NEBL: variants seen among roughly 807,000 people sequenced by gnomAD.
NEBL encodes the protein LIM and SH3 protein 2.
Under a neutral mutation model 140.2 loss-of-function variants are expected in NEBL, and 122 were observed. The ratio of observed to expected loss-of-function variants is 0.87; its 90% CI spans 0.75 to 1.01. The LOEUF (loss-of-function observed/expected upper bound fraction) is 1.01. Among genes scored for constraint, NEBL ranks in the 50% least tolerant of loss-of-function variants. The pLI is 0.00. For missense variants in NEBL, 1,365 were observed against 1,231.3 expected, an observed-to-expected ratio of 1.11 and a Z score of -1.62; for synonymous variants, 436 against 398.9, an observed-to-expected ratio of 1.09 and a Z score of -1.11.
chr10:20,828,466 A>G (rs1840094555), intron 17 of NEBL, 64 bp downstream of exon 17: 1 of 1,083,324 alleles, frequency 9.2e-7, no homozygotes, highest in South Asian at 1.3e-5. Context: ...AATGAGGAAA[A>G]AAGACCATTT....
rs140362065 is a variant in NEBL, at chr10:20,987,096, A to G, written c.250-25317T>C. Among the ~76,000 whole-genome samples the G allele has an allele frequency of 1.3e-3, 201 of 152,094 alleles. 1 individual carries two copies. The highest frequency in any genetic ancestry group is 4.6e-3 in the African/African-American group (191 of 41,466). ...ATTAAATGGGTAAAAATATTAATGTATTTTTCTAAGCTATTATACCATGTT... is the reference window on the plus strand; with the variant it reads ...ATTAAATGGGTAAAAATATTAATGTGTTTTTCTAAGCTATTATACCATGTT... On this transcript the variant is annotated intron_variant, in intron 3 of 6. Coordinates refer to the NEBL transcript ENST00000417816.
chr10:21,057,542 C>CTTTTTTTTTT (rs5783764), intron 2 of NEBL, among the ~76,000 whole-genome samples: 1 of 71,726 alleles, frequency 1.4e-5, no homozygotes, highest in African/African-American at 5.9e-5. Context: ...AATGAAATTC[C>CTTTTTTTTTT]TTTTTTTTTT....
intron 3 of NEBL, chr10:20,961,798 A>G (rs201072548): frequency 1.3e-6 from 2 of 1,581,354 alleles, no homozygotes; most frequent in Admixed American, 3.3e-5. Context: ...AAGGGGGAAA[A>G]GAAAAGTGAA....
chr10:21,032,115 A>G (rs1415102375), intron 2 of NEBL, among the ~76,000 whole-genome samples: 1 of 152,238 alleles, frequency 6.6e-6, no homozygotes, highest in African/African-American at 2.4e-5. Flanking sequence ...TGTACAAATG[A>G]AGAAATTCTC....
chr10:21,139,370 G>A (rs1839507013), intron 2 of NEBL, among the ~76,000 whole-genome samples: 1 of 152,124 alleles, frequency 6.6e-6, no homozygotes, highest in African/African-American at 2.4e-5. Context: ...AATGCAGAAT[G>A]TAATCAAGCA....
At chr10:20,852,859 A>T (rs1333329114) in intron 9 of NEBL, among the ~76,000 whole-genome samples, 1 of 152,246 alleles carries the variant, frequency 6.6e-6, no homozygotes, top group Non-Finnish European at 1.5e-5. Context: ...AGCATATGAA[A>T]CACGCAAGAG....
intron 13 of NEBL, among the ~76,000 whole-genome samples, chr10:20,837,886 G>A (rs1186228392): frequency 6.6e-6 from 1 of 152,136 alleles, no homozygotes; most frequent in Admixed American, 6.5e-5. Context: ...CAGCACATTT[G>A]TTTAAAGTAT....
intron 2 of NEBL, among the ~76,000 whole-genome samples, chr10:21,147,912 A>T (rs1238902495): frequency 1.3e-5 from 2 of 152,234 alleles, no homozygotes; most frequent in Non-Finnish European, 2.9e-5. Context: ...TATCAATCAC[A>T]GATATTTATC....
chr10:21,103,982 C>A (rs147697345), intron 2 of NEBL, among the ~76,000 whole-genome samples: 1 of 152,222 alleles, frequency 6.6e-6, no homozygotes, highest in East Asian at 1.9e-4. Flanking sequence ...GAGGTAAGTG[C>A]TCAGGTTTTG....
At chr10:21,156,034 G>T (rs1840324855) in intron 2 of NEBL, among the ~76,000 whole-genome samples, 1 of 152,064 alleles carries the variant, frequency 6.6e-6, no homozygotes, top group Non-Finnish European at 1.5e-5. Flanking sequence ...CAAAACAACG[G>T]TTCATAGAAA....
At chr10:20,848,406 A>G (rs1842158145) in intron 11 of NEBL, among the ~76,000 whole-genome samples, 1 of 152,204 alleles carries the variant, frequency 6.6e-6, no homozygotes, top group African/African-American at 2.4e-5. Flanking sequence ...TGGTTACTTC[A>G]TATTTCTTTA....
At chr10:20,794,844 G>A (rs11012341) in intron 26 of NEBL, among the ~76,000 whole-genome samples, 12,085 of 152,110 alleles carry the variant, frequency 0.079, 551 homozygotes, top group Admixed American at 0.1. Flanking sequence ...TGGGATGTTC[G>A]GTTTTTTTCC....
chr10:20,786,355 T>C (rs964710546), intron 27 of NEBL, among the ~76,000 whole-genome samples: 1 of 152,142 alleles, frequency 6.6e-6, no homozygotes, highest in Admixed American at 6.6e-5. Context: ...CTTAAAACTA[T>C]GTAAAACAAA....
chr10:21,118,622 C>T (rs1246609151), intron 2 of NEBL, among the ~76,000 whole-genome samples: 1 of 151,118 alleles, frequency 6.6e-6, no homozygotes, highest in African/African-American at 2.4e-5. Context: ...TGTTTCTTTA[C>T]TGAAAAAAAA....
At chr10:20,803,241 A>G (rs1167757228) in intron 26 of NEBL, among the ~76,000 whole-genome samples, 1 of 152,318 alleles carries the variant, frequency 6.6e-6, no homozygotes, top group African/African-American at 2.4e-5. Flanking sequence ...TACAGTTTCA[A>G]ATAGCTAGAA....
chr10:20,787,076 C>T, intron 27 of NEBL, 126 bp downstream of exon 27: 3 of 861,506 alleles, frequency 3.5e-6, no homozygotes, highest in Middle Eastern at 2.9e-4. Flanking sequence ...TAAATGGCAA[C>T]ACATCATCAT....
Position 20,819,040 on chromosome 10 carries a change from A to G in NEBL, c.2055+384T>C, listed in dbSNP as rs940085548. On this transcript the variant is annotated intron_variant, in intron 20 of 27. Transcript: ENST00000377122. ...TGTTATAATGATATGATTCATCCATATAATTGCATGTTGCTCAAATTCATT... is the reference window on the plus strand; with the variant it reads ...TGTTATAATGATATGATTCATCCATGTAATTGCATGTTGCTCAAATTCATT... 13 of 1,032,428 alleles carry G rather than the reference A, an allele frequency of 1.3e-5. No individual in the cohort carries two copies. The African/African-American group carries it at 2.2e-4, about 17-fold the overall frequency. 64.0% of individuals were successfully genotyped at this position (1,032,428 alleles called of 1,614,324 possible). A position where few individuals can be genotyped will look rare whatever the true frequency, so the allele number is the denominator to read the frequency against.
At chr10:20,927,707 C>A (rs565578732) in intron 4 of NEBL, among the ~76,000 whole-genome samples, 45 of 152,302 alleles carry the variant, frequency 3.0e-4, no homozygotes, top group African/African-American at 1.1e-3. Flanking sequence ...GTGTGGTATA[C>A]AGTCCAGAGC....
intron 11 of NEBL, among the ~76,000 whole-genome samples, chr10:20,845,850 T>C (rs924948537): frequency 4.6e-5 from 7 of 152,168 alleles, no homozygotes; most frequent in Admixed American, 3.9e-4. Context: ...ACTTCTAAAA[T>C]GTAATGATGC....
Sources: allele counts gnomAD v4.1 joint callset (sites outside exome capture counted in the v4.1 genomes callset), GRCh38; gene constraint gnomAD v4.1.1; transcripts MANE v1.5; gene names NCBI Gene and HGNC (gene_info 2026-07-23, HGNC 2026-07-21).